FABP6: variants seen among roughly 807,000 people sequenced by gnomAD.
The protein encoded by FABP6 is gastrotropin.
In FABP6, 13 loss-of-function variants were observed where a neutral mutation model predicts 14.9. The ratio of observed to expected loss-of-function variants is 0.87; its 90% confidence interval spans 0.57 to 1.39. The LOEUF (loss-of-function observed/expected upper bound fraction) is 1.39, where lower values mean the gene tolerates loss of function less well. Ranked by LOEUF, FABP6 falls within the 40% of genes most tolerant of loss-of-function variation. The pLI is 0.00. For synonymous variants in FABP6, 75 were observed against 63.6 expected (o/e 1.18, Z -0.85); for missense variants, 161 against 167.2 (o/e 0.96, Z 0.20).
intron 3 of FABP6, among the ~76,000 whole-genome samples, chr5:160,216,291 C>T (rs558761517): frequency 6.7e-6 from 1 of 149,768 alleles, no homozygotes; most frequent in African/African-American, 2.5e-5. Flanking sequence ...TTTTTGAGAC[C>T]AAGTCTCACT....
At chr5:160,199,200 A>G in intron 2 of FABP6, 1 of 1,604,928 alleles carries the variant, frequency 6.2e-7, no homozygotes, top group Non-Finnish European at 8.5e-7. Flanking sequence ...AGGCAAATGA[A>G]AGGATGACCC....
chr5:160,194,290 T>C (rs1034408041), intron 1 of FABP6, among the ~76,000 whole-genome samples: 2 of 152,132 alleles, frequency 1.3e-5, no homozygotes, highest in African/African-American at 4.8e-5. Context: ...CGCCTCTCCC[T>C]CCACACCTCC....
At chr5:160,236,866 C>A (rs561691020) in intron 3 of FABP6, among the ~76,000 whole-genome samples, 1 of 151,676 alleles carries the variant, frequency 6.6e-6, no homozygotes, top group East Asian at 1.9e-4. Flanking sequence ...CCTGTAATCC[C>A]AGCTACTTAG....
chr5:160,229,676 C>A, intron 1 of FABP6, 52 bp downstream of exon 1: 2 of 1,552,688 alleles, frequency 1.3e-6, no homozygotes, highest in Middle Eastern at 1.7e-4. Flanking sequence ...TCACAGCCAG[C>A]TCTGGGCCAG....
At chr5:160,226,031 G>A (rs561724010), upstream of FABP6, among the ~76,000 whole-genome samples, 26 of 151,792 alleles carry the variant, frequency 1.7e-4, no homozygotes, top group African/African-American at 5.8e-4. Flanking sequence ...AAAATTAGCC[G>A]GGCGTGGTGG....
At chr5:160,234,720 C>A (rs1760469122) in intron 2 of FABP6, 100 bp from the exon 3 acceptor site, 1 of 845,868 alleles carries the variant, frequency 1.2e-6, no homozygotes, top group Non-Finnish European at 1.8e-6. Flanking sequence ...AGCCACCGTG[C>A]CTGGCCTTGG....
Position 160,191,973 on chromosome 5 carries a change from C to T in FABP6, c.-59+4519C>T, listed in dbSNP as rs148603416. ...TGGGTGACAGAGCGAGACTCCATCTCAAAAAAAGAAAAAAAAGAAAAAAAA... is the reference window on the plus strand; with the variant it reads ...TGGGTGACAGAGCGAGACTCCATCTTAAAAAAAGAAAAAAAAGAAAAAAAA... On this transcript the variant is annotated intron_variant, in intron 1 of 6. Coordinates refer to the FABP6 transcript ENST00000393980. Among the ~76,000 whole-genome samples the T allele has an allele frequency of 8.4e-3, 1,262 of 149,412 alleles. 18 individuals carry two copies. Among genetic ancestry groups the T allele is most frequent in the African/African-American group, 0.03 (1,218 of 40,666 alleles).
chr5:160,213,361 G>C (rs1759933183), intron 2 of FABP6, among the ~76,000 whole-genome samples: 1 of 152,212 alleles, frequency 6.6e-6, no homozygotes, highest in Non-Finnish European at 1.5e-5. Context: ...CCATTCTGGT[G>C]GTGGTGGCCA....
At chr5:160,208,351 T>C (rs1759812516) in intron 2 of FABP6, among the ~76,000 whole-genome samples, 1 of 151,996 alleles carries the variant, frequency 6.6e-6, no homozygotes, top group African/African-American at 2.4e-5. Flanking sequence ...GGTGGGAGGA[T>C]CGCTTGAGCC....
At chr5:160,231,691 TG>T (rs1434016337) in intron 1 of FABP6, among the ~76,000 whole-genome samples, 2 of 152,146 alleles carry the variant, frequency 1.3e-5, no homozygotes, top group Non-Finnish European at 2.9e-5. Context: ...CCACCATACC[TG>T]GTCTTGAAAG....
At chr5:160,194,403 G>A (rs1580895955) in intron 1 of FABP6, among the ~76,000 whole-genome samples, 1 of 152,178 alleles carries the variant, frequency 6.6e-6, no homozygotes, top group South Asian at 2.1e-4. Flanking sequence ...CAAAGTGGGA[G>A]CCCAGGCAGA....
intron 1 of FABP6, among the ~76,000 whole-genome samples, chr5:160,190,837 G>A (rs756687760): frequency 3.0e-4 from 45 of 152,122 alleles, no homozygotes; most frequent in Non-Finnish European, 5.9e-4. Flanking sequence ...ATCAGGCCGG[G>A]CACGGTGGCT....
intron 3 of FABP6, among the ~76,000 whole-genome samples, chr5:160,238,006 C>T (rs1760553469): frequency 6.6e-6 from 1 of 152,174 alleles, no homozygotes; most frequent in Non-Finnish European, 1.5e-5. Context: ...CTGCTTTCTT[C>T]TGCTGGGTGT....
chr5:160,200,573 T>C (rs1407037524), intron 2 of FABP6, among the ~76,000 whole-genome samples: 1 of 152,214 alleles, frequency 6.6e-6, no homozygotes, highest in Admixed American at 6.5e-5. Context: ...CCATCATGCC[T>C]GGCTAATTTT....
At chr5:160,235,279 G>A (rs540075075) in intron 3 of FABP6, among the ~76,000 whole-genome samples, 43 of 152,254 alleles carry the variant, frequency 2.8e-4, no homozygotes, top group Admixed American at 2.4e-3. Context: ...TGGTCCAGGT[G>A]GGCTCCTCAA....
intron 2 of FABP6, among the ~76,000 whole-genome samples, chr5:160,200,506 G>A (rs1009151172): frequency 1.3e-5 from 2 of 151,216 alleles, no homozygotes; most frequent in Admixed American, 1.3e-4. Context: ...TCTGCCTCCT[G>A]GGTTCAAGAG....
At chr5:160,229,266 G>C (rs1390573657), upstream of FABP6, among the ~76,000 whole-genome samples, 1 of 152,192 alleles carries the variant, frequency 6.6e-6, no homozygotes, top group East Asian at 1.9e-4. Flanking sequence ...AACGGAGGGA[G>C]AGATGGGCAG....
intron 2 of FABP6, among the ~76,000 whole-genome samples, chr5:160,210,599 C>T (rs1386927395): frequency 6.6e-6 from 1 of 152,192 alleles, no homozygotes; most frequent in African/African-American, 2.4e-5. Context: ...GGCATTCTTG[C>T]CTCAGCTCGA....
chr5:160,232,086 C>T lies in FABP6; in HGVS notation c.68-12C>T, dbSNP rs750323432. 22 of 1,612,728 alleles carry T rather than the reference C, an allele frequency of 1.4e-5. No homozygotes were observed. The highest frequency in any genetic ancestry group is 1.9e-5 in the Non-Finnish European group (22 of 1,179,396). On this transcript the variant is annotated splice_polypyrimidine_tract_variant and intron_variant, in intron 1 of 3. Coordinates refer to ENST00000402432, the MANE Select transcript of FABP6 (RefSeq NM_001445.3). ...GCTCTTATATGGCTACTCTGCTTGT[C>T]CCCGGGTCCAGGGATCTCCAGCGAT...
Sources: allele counts gnomAD v4.1 joint callset (sites outside exome capture counted in the v4.1 genomes callset), GRCh38; gene constraint gnomAD v4.1.1; transcripts MANE v1.5; gene names NCBI Gene and HGNC (gene_info 2026-07-23, HGNC 2026-07-21).